GABRG3: variants seen among roughly 807,000 people sequenced by gnomAD.
The protein encoded by GABRG3 is gamma-aminobutyric acid type A receptor subunit gamma3.
A neutral mutation model predicts 48.8 loss-of-function variants in GABRG3; 25 were observed. The observed-to-expected ratio is 0.51, with a 90% confidence interval of 0.37 to 0.72. The LOEUF (loss-of-function observed/expected upper bound fraction) is 0.72, where lower values mean the gene tolerates loss of function less well. Ranked by LOEUF, GABRG3 falls within the 30% of genes least tolerant of loss-of-function variation. GABRG3 has a pLI of 0.00. For synonymous variants in GABRG3, 227 were observed against 217.6 expected, an observed-to-expected ratio of 1.04 and a Z score of -0.38; for missense variants, 394 against 577.9, an observed-to-expected ratio of 0.68 and a Z score of 3.26.
chr15:27,108,514 C>T (rs913144027), intron 3 of GABRG3, among the ~76,000 whole-genome samples: 3 of 152,108 alleles, frequency 2.0e-5, no homozygotes, highest in Non-Finnish European at 4.4e-5. Flanking sequence ...CTATGCTGCT[C>T]AATGTTGCAT....
rs547762582 is a variant in GABRG3, at chr15:27,002,760, A to AAAAG, written c.203-23993_203-23990dup. 2.3e-4 allele frequency among the ~76,000 whole-genome samples: 29 copies of AAAAG among 125,906 alleles called. 1 individual carries two copies. Among genetic ancestry groups the AAAAG allele is most frequent in the African/African-American group, 6.4e-4 (21 of 32,650 alleles). 82.6% of individuals were successfully genotyped at this position (125,906 alleles called of 152,430 possible). Reference sequence around the variant, plus strand: ...CGTGTCTCTCAAAAAAAAAAAAAAAAAAAGGAAGGAAGGAAGGAAGGAAAG... The same window carrying AAAAG: ...CGTGTCTCTCAAAAAAAAAAAAAAAAAAAGAAAGGAAGGAAGGAAGGAAGGAAAG... On this transcript the variant is annotated intron_variant, in intron 2 of 9. Coordinates refer to ENST00000615808, the MANE Select transcript of GABRG3 (RefSeq NM_033223.5).
Position 27,179,433 on chromosome 15 carries a change from T to C in GABRG3, c.271-147376T>C, listed in dbSNP as rs567666050. The stretch of plus-strand genomic sequence containing the variant: ...TGATGCCCTCAGTTTTGTAATTGCT[T>C]ATTTACCTTGTTTGCATAAAATCTT... On this transcript the variant is annotated intron_variant, in intron 3 of 9. Transcript: ENST00000615808. The surrounding 1 kb of genome is among the most constrained non-coding windows in gnomAD (Gnocchi z 4.0). Among the ~76,000 whole-genome samples, 14 of 152,350 alleles carry C rather than the reference T, an allele frequency of 9.2e-5. No individual in the cohort carries two copies. The South Asian group carries it at 1.4e-3, about 16-fold the overall frequency.
At chr15:27,412,824 G>A (rs181667864) in intron 5 of GABRG3, among the ~76,000 whole-genome samples, 9 of 152,200 alleles carry the variant, frequency 5.9e-5, no homozygotes, top group African/African-American at 2.2e-4. Context: ...CAAATATTAT[G>A]ACTTCCCTTA....
intron 3 of GABRG3, among the ~76,000 whole-genome samples, chr15:27,260,554 G>T (rs1418047144): frequency 1.3e-5 from 2 of 152,122 alleles, no homozygotes; most frequent in Non-Finnish European, 2.9e-5. Flanking sequence ...TATTTAAATT[G>T]TGCTGGAGGA....
chr15:27,185,470 G>C (rs1037951467), intron 3 of GABRG3, among the ~76,000 whole-genome samples: 6 of 152,026 alleles, frequency 3.9e-5, no homozygotes, highest in Non-Finnish European at 8.8e-5. Context: ...GGTATATCTT[G>C]GTAAATATTT....
intron 2 of GABRG3, among the ~76,000 whole-genome samples, chr15:27,009,156 AC>A (rs567807661): frequency 7.4e-4 from 112 of 152,250 alleles, no homozygotes; most frequent in African/African-American, 2.1e-3. Context: ...CCACAGGTGC[AC>A]ACTGGACTGC....
chr15:27,347,923 G>A (rs758362607), intron 5 of GABRG3, among the ~76,000 whole-genome samples: 1 of 152,004 alleles, frequency 6.6e-6, no homozygotes. Context: ...TTGTCTGATG[G>A]GTTCAAGAAA....
At chr15:27,135,285 C>CA (rs1897989184) in intron 3 of GABRG3, among the ~76,000 whole-genome samples, 1 of 152,154 alleles carries the variant, frequency 6.6e-6, no homozygotes, top group Non-Finnish European at 1.5e-5. Flanking sequence ...TCAAGCAGAA[C>CA]TCATTAATAG....
rs573653941 is a variant in GABRG3, at chr15:27,352,022, G to T, written c.574+23134G>T. On this transcript the variant is annotated intron_variant, in intron 5 of 9. Coordinates refer to ENST00000615808, the MANE Select transcript of GABRG3 (RefSeq NM_033223.5). The surrounding 1 kb of genome is among the most constrained non-coding windows in gnomAD (Gnocchi z 4.0). ...TGTATATATGATGTGTGGGTTTATG[G>T]TGTATGCGTGTATAGTGTGTGTGTG... 6.7e-6 allele frequency among the ~76,000 whole-genome samples: 1 copy of T among 149,894 alleles called. No individual in the cohort carries two copies. The highest frequency in any genetic ancestry group is 1.5e-5 in the Non-Finnish European group (1 of 67,364).
At chr15:26,996,235 TG>T (rs1286576880) in intron 2 of GABRG3, among the ~76,000 whole-genome samples, 2 of 152,188 alleles carry the variant, frequency 1.3e-5, no homozygotes, top group African/African-American at 4.8e-5. Context: ...TTTGGATTTT[TG>T]TTTGTGGTCA....
intron 3 of GABRG3, among the ~76,000 whole-genome samples, chr15:27,314,542 C>T (rs1194302611): frequency 6.6e-6 from 1 of 152,090 alleles, no homozygotes; most frequent in African/African-American, 2.4e-5. Context: ...CCATATAATC[C>T]AGCAATTCCA....
intron 3 of GABRG3, among the ~76,000 whole-genome samples, chr15:27,121,113 G>A (rs2140376351): frequency 6.6e-6 from 1 of 152,310 alleles, no homozygotes; most frequent in Admixed American, 6.5e-5. Context: ...GACAATGAGA[G>A]GGTGGCATTC....
chr15:27,374,961 A>AC (rs1895544170), intron 5 of GABRG3, among the ~76,000 whole-genome samples: 1 of 151,802 alleles, frequency 6.6e-6, no homozygotes, highest in Non-Finnish European at 1.5e-5. Flanking sequence ...CAGACTGATG[A>AC]CCCCCAACAC....
intron 3 of GABRG3, among the ~76,000 whole-genome samples, chr15:27,145,615 A>ATCTATCTATCTATCTG (rs1566946610): frequency 7.2e-6 from 1 of 139,258 alleles, no homozygotes; most frequent in Non-Finnish European, 1.6e-5. Flanking sequence ...CTATCTATCT[A>ATCTATCTATCTATCTG]TCTATCTATC....
chr15:27,163,028 CT>C (rs1266543313), intron 3 of GABRG3, among the ~76,000 whole-genome samples: 1 of 151,982 alleles, frequency 6.6e-6, no homozygotes, highest in Non-Finnish European at 1.5e-5. Flanking sequence ...ATCACTTTCA[CT>C]CTACCTCTTC....
At chr15:27,097,282 A>G (rs1299356247) in intron 3 of GABRG3, among the ~76,000 whole-genome samples, 1 of 152,058 alleles carries the variant, frequency 6.6e-6, no homozygotes, top group Admixed American at 6.6e-5. Context: ...GAAAGGCTGC[A>G]GATGTTTTGA....
chr15:27,335,032 A>C (rs1045749464), intron 5 of GABRG3, among the ~76,000 whole-genome samples: 1 of 152,304 alleles, frequency 6.6e-6, no homozygotes, highest in South Asian at 2.1e-4. Context: ...CCTCTTAAAT[A>C]ATTTCATTTC....
chr15:27,205,913 A>G (rs1299586303), intron 3 of GABRG3, among the ~76,000 whole-genome samples: 3 of 151,874 alleles, frequency 2.0e-5, no homozygotes, highest in Non-Finnish European at 2.9e-5. Context: ...GTTGGTGGTA[A>G]TGTCTCCTTT....
intron 3 of GABRG3, among the ~76,000 whole-genome samples, chr15:27,308,272 A>ATATAAACATACGTTTAT (rs1566773668): frequency 8.8e-6 from 1 of 113,252 alleles, no homozygotes; most frequent in Non-Finnish European, 1.8e-5. Context: ...ATATAAACAT[A>ATATAAACATACGTTTAT]ATATAAACAT....
Sources: allele counts gnomAD v4.1 joint callset (sites outside exome capture counted in the v4.1 genomes callset), GRCh38; gene constraint gnomAD v4.1.1; non-coding constraint Gnocchi (gnomAD v3.1); transcripts MANE v1.5; gene names NCBI Gene and HGNC (gene_info 2026-07-23, HGNC 2026-07-21).